APP: variants seen among roughly 807,000 people sequenced by gnomAD.
The protein encoded by APP is amyloid-beta precursor protein.
In APP, 31 loss-of-function variants were observed where a neutral mutation model predicts 101.4. The ratio of observed to expected loss-of-function variants is 0.31; its 90% CI spans 0.23 to 0.41. The LOEUF (loss-of-function observed/expected upper bound fraction) is 0.41, where lower values mean the gene tolerates loss of function less well. Among genes scored for constraint, APP ranks in the 10% least tolerant of loss-of-function variants. APP has a pLI of 1.00. For synonymous variants in APP, 366 were observed against 364.4 expected (o/e 1.00, Z -0.05); for missense variants, 839 against 1,003.7 (o/e 0.84, Z 2.22).
chr21:25,932,880 C>T (rs770628860), intron 13 of APP, among the ~76,000 whole-genome samples: 3 of 151,990 alleles, frequency 2.0e-5, no homozygotes, highest in Non-Finnish European at 2.9e-5. Flanking sequence ...TTAAAGCATA[C>T]TCAACTTCAG....
intron 2 of APP, among the ~76,000 whole-genome samples, chr21:26,102,378 T>C (rs903725639): frequency 6.6e-6 from 1 of 151,976 alleles, no homozygotes; most frequent in African/African-American, 2.4e-5. Context: ...CGTGAGCCAC[T>C]GCGCCCGGCC....
chr21:25,972,479 T>C (rs1245232898), intron 11 of APP, among the ~76,000 whole-genome samples: 1 of 117,942 alleles, frequency 8.5e-6, no homozygotes, highest in East Asian at 2.4e-4. Context: ...ACCAAAGGTA[T>C]AAAAGGGACA....
chr21:26,147,849 C>T (rs886671291), intron 1 of APP, among the ~76,000 whole-genome samples: 1 of 151,952 alleles, frequency 6.6e-6, no homozygotes, highest in African/African-American at 2.4e-5. Context: ...ACTGAAAAAT[C>T]CAATCCCTCC....
intron 13 of APP, among the ~76,000 whole-genome samples, chr21:25,926,668 A>C (rs1225199615): frequency 6.6e-6 from 1 of 152,158 alleles, no homozygotes; most frequent in Non-Finnish European, 1.5e-5. Flanking sequence ...TCCTAATGCA[A>C]CCTTCTCACT....
chr21:26,086,364 A>G (rs1430231797), intron 3 of APP, among the ~76,000 whole-genome samples: 1 of 152,224 alleles, frequency 6.6e-6, no homozygotes, highest in Non-Finnish European at 1.5e-5. Context: ...CCCCATGCAG[A>G]CAAGAAATGT....
At chr21:26,147,718 C>A (rs888046620) in intron 1 of APP, among the ~76,000 whole-genome samples, 1 of 152,068 alleles carries the variant, frequency 6.6e-6, no homozygotes, top group Non-Finnish European at 1.5e-5. Context: ...GGCCTCAAAG[C>A]ACTTGGATGC....
At chr21:26,158,342 C>G (rs1168142077) in intron 1 of APP, 1 of 152,224 alleles carries the variant, frequency 6.6e-6, no homozygotes, top group Non-Finnish European at 1.5e-5. Context: ...TAAGTCTACC[C>G]ATTTTCCTCT....
chr21:26,117,370 A>C (rs1374378937), intron 1 of APP, among the ~76,000 whole-genome samples: 2 of 152,252 alleles, frequency 1.3e-5, no homozygotes, highest in African/African-American at 4.8e-5. Flanking sequence ...ATCTGAGTGA[A>C]CCCCTTTCAG....
At chr21:26,169,684 G>A (rs1356319039) in intron 1 of APP, among the ~76,000 whole-genome samples, 1 of 152,242 alleles carries the variant, frequency 6.6e-6, no homozygotes, top group Non-Finnish European at 1.5e-5. Flanking sequence ...GAAGGGAGCC[G>A]GGCGGGAGCC....
chr21:26,021,765 G>A, intron 6 of APP, 75 bp downstream of exon 6: 3 of 1,576,124 alleles, frequency 1.9e-6, no homozygotes, highest in Non-Finnish European at 2.6e-6. Context: ...TGGTGCTAGG[G>A]TGGATATTTC....
chr21:26,125,398 G>T (rs931224721), intron 1 of APP, among the ~76,000 whole-genome samples: 1 of 152,110 alleles, frequency 6.6e-6, no homozygotes, highest in African/African-American at 2.4e-5. Flanking sequence ...TTATTATCTT[G>T]TTCTTTATTT....
intron 11 of APP, among the ~76,000 whole-genome samples, chr21:25,965,017 T>C (rs982962562): frequency 3.3e-5 from 5 of 152,244 alleles, no homozygotes; most frequent in African/African-American, 7.2e-5. Context: ...AGGCAGCATA[T>C]AGAACTGAAA....
intron 2 of APP, among the ~76,000 whole-genome samples, chr21:26,110,772 GA>G (rs2062300185): frequency 6.6e-6 from 1 of 152,024 alleles, no homozygotes; most frequent in African/African-American, 2.4e-5. Context: ...GTAGGCTAAA[GA>G]AAAATTTCTA....
chr21:26,064,892 C>T (rs1184530808), intron 3 of APP, among the ~76,000 whole-genome samples: 2 of 152,098 alleles, frequency 1.3e-5, no homozygotes, highest in South Asian at 2.1e-4. Flanking sequence ...CTCATTCTGT[C>T]GCCCAGGCTG....
intron 1 of APP, among the ~76,000 whole-genome samples, chr21:26,148,242 T>G (rs1400506668): frequency 2.0e-5 from 3 of 152,190 alleles, no homozygotes; most frequent in Admixed American, 2.0e-4. Flanking sequence ...GCAGAGATTT[T>G]TCAAAGCTAG....
intron 3 of APP, chr21:26,068,428 T>C (rs2046544741): frequency 6.6e-6 from 1 of 152,116 alleles, no homozygotes; most frequent in Admixed American, 6.6e-5. Flanking sequence ...TGCAGTGCTG[T>C]GATCATAGCT....
chr21:25,958,066 C>A (rs1274758414), intron 11 of APP, among the ~76,000 whole-genome samples: 1 of 152,066 alleles, frequency 6.6e-6, no homozygotes, highest in East Asian at 1.9e-4. Context: ...AGTTAGTCAT[C>A]TATGAATGTT....
chr21:25,983,990 C>G (rs915551903), intron 8 of APP, among the ~76,000 whole-genome samples: 1 of 152,136 alleles, frequency 6.6e-6, no homozygotes, highest in African/African-American at 2.4e-5. Flanking sequence ...ATTTTTTTAT[C>G]AAGTGGTGAT....
chr21:26,104,793 TG>T (rs2062142947), intron 2 of APP, among the ~76,000 whole-genome samples: 1 of 152,178 alleles, frequency 6.6e-6, no homozygotes. Flanking sequence ...AGCAATCCTT[TG>T]GAAAAACAAA....
Sources: gnomAD v4.1 joint callset for allele counts (sites outside exome capture counted in the v4.1 genomes callset) on GRCh38, gnomAD v4.1.1 for gene constraint, MANE v1.5 for transcripts, NCBI Gene and HGNC (gene_info 2026-07-23, HGNC 2026-07-21) for gene names.